Variants in THSD7A observed in about 807,000 individuals in gnomAD.
The protein encoded by THSD7A is thrombospondin type-1 domain-containing protein 7A.
A neutral mutation model predicts 231.3 loss-of-function variants in THSD7A; 96 were observed. The ratio of observed to expected loss-of-function variants is 0.41; its 90% CI spans 0.35 to 0.49. THSD7A has a LOEUF of 0.49. Among genes scored for constraint, THSD7A ranks in the 20% least tolerant of loss-of-function variants. THSD7A has a pLI of 0.05. For missense variants in THSD7A, 2,290 were observed against 2,070.2 expected (o/e 1.11, Z -2.06); for synonymous variants, 940 against 743.3 (o/e 1.26, Z -4.30).
At chr7:11,795,502 G>A (rs927411087) in intron 1 of THSD7A, among the ~76,000 whole-genome samples, 3 of 151,758 alleles carry the variant, frequency 2.0e-5, no homozygotes, top group Admixed American at 6.6e-5. Flanking sequence ...ATGACATGAC[G>A]AAAACAAACT....
At chr7:11,395,554 A>T in intron 23 of THSD7A, among the ~76,000 whole-genome samples, 1 of 150,382 alleles carries the variant, frequency 6.6e-6, no homozygotes, top group Admixed American at 6.6e-5. Flanking sequence ...TTGAGACAGA[A>T]TCTTGCTCTG....
chr7:11,793,547 TG>T (rs1784025997), intron 1 of THSD7A, among the ~76,000 whole-genome samples: 1 of 142,942 alleles, frequency 7.0e-6, no homozygotes, highest in Non-Finnish European at 1.5e-5. Context: ...TAGGTTAAAA[TG>T]AAAAAAGTCA....
Position 11,446,008 on chromosome 7 carries a change from T to G in THSD7A, c.3064+53A>C. 1 of 1,601,604 alleles carries G rather than the reference T, an allele frequency of 6.2e-7. No individual in the cohort carries two copies. The highest frequency in any genetic ancestry group is 8.5e-7 in the Non-Finnish European group (1 of 1,170,870). ...CATTCCACTATGATGCGTGTGCATT[T>G]TCCCTCCACACTCCCGAAGATAGCA... is the stretch of plus-strand genomic sequence containing the variant. On this transcript the variant is annotated intron_variant, in intron 13 of 27. Transcript: ENST00000423059. The surrounding 1 kb of genome is among the most constrained non-coding windows in gnomAD (Gnocchi z 4.0).
At chr7:11,565,764 A>G (rs1790286735) in intron 4 of THSD7A, among the ~76,000 whole-genome samples, 1 of 152,116 alleles carries the variant, frequency 6.6e-6, no homozygotes, top group Admixed American at 6.6e-5. Flanking sequence ...TTTTTAGTTG[A>G]TCAGAGTCCT....
At chr7:11,535,618 T>G (rs1485652944) in intron 6 of THSD7A, among the ~76,000 whole-genome samples, 5 of 151,002 alleles carry the variant, frequency 3.3e-5, no homozygotes. Flanking sequence ...TTAGAAGACA[T>G]AACATTCTAC....
chr7:11,544,946 C>T (rs1018126949), intron 4 of THSD7A, among the ~76,000 whole-genome samples: 13 of 151,848 alleles, frequency 8.6e-5, no homozygotes, highest in Admixed American at 3.3e-4. Context: ...CAACAGCAGC[C>T]GAAGCCAAAA....
intron 2 of THSD7A, among the ~76,000 whole-genome samples, chr7:11,618,896 T>C (rs1386328380): frequency 6.6e-6 from 1 of 152,160 alleles, no homozygotes; most frequent in African/African-American, 2.4e-5. Context: ...CATAATCACC[T>C]AAATGTTAAT....
At chr7:11,761,355 G>C (rs968986971) in intron 1 of THSD7A, among the ~76,000 whole-genome samples, 1 of 151,892 alleles carries the variant, frequency 6.6e-6, no homozygotes, top group Non-Finnish European at 1.5e-5. Flanking sequence ...CAAAATTCTG[G>C]TCAATATATA....
intron 2 of THSD7A, among the ~76,000 whole-genome samples, chr7:11,614,944 A>G (rs1781056414): frequency 6.6e-6 from 1 of 152,232 alleles, no homozygotes; most frequent in Non-Finnish European, 1.5e-5. Context: ...TATGTTGATG[A>G]TGTTATTGAT....
At chr7:11,605,078 G>A (rs1780689617) in intron 2 of THSD7A, among the ~76,000 whole-genome samples, 1 of 151,894 alleles carries the variant, frequency 6.6e-6, no homozygotes. Flanking sequence ...CTTCACTGTA[G>A]TGGCATAACC....
rs574537525 is a variant in THSD7A at position 11,782,743 on chromosome 7, A to AT, written c.190+49013dup. 3.0e-3 allele frequency among the ~76,000 whole-genome samples: 456 copies of AT among 152,260 alleles called. 6 individuals carry two copies. The highest frequency in any genetic ancestry group is 0.01 in the African/African-American group (436 of 41,556). ...TTAAAGATATTTTGCTGTGAAATGCATTTCACTGTGGCACCGTTGGCTATA... is the reference window on the plus strand; with the variant it reads ...TTAAAGATATTTTGCTGTGAAATGCATTTTCACTGTGGCACCGTTGGCTATA... On this transcript the variant is annotated intron_variant, in intron 1 of 27. Transcript: ENST00000423059.
intron 23 of THSD7A, among the ~76,000 whole-genome samples, chr7:11,399,853 C>T (rs747720824): frequency 6.6e-6 from 1 of 152,178 alleles, no homozygotes; most frequent in Non-Finnish European, 1.5e-5. Flanking sequence ...TATAAAGACA[C>T]ATGCACACAT....
chr7:11,727,545 C>T (rs907745059), intron 1 of THSD7A, among the ~76,000 whole-genome samples: 3 of 151,808 alleles, frequency 2.0e-5, no homozygotes, highest in Non-Finnish European at 2.9e-5. Context: ...TCATTTGGGG[C>T]CCAAAATGTT....
intron 1 of THSD7A, among the ~76,000 whole-genome samples, chr7:11,711,974 G>A (rs1433762528): frequency 6.6e-6 from 1 of 150,868 alleles, no homozygotes; most frequent in South Asian, 2.1e-4. Context: ...TCCTCTAGGT[G>A]GTACAGAACA....
chr7:11,552,191 G>A (rs1171459998), intron 4 of THSD7A, among the ~76,000 whole-genome samples: 1 of 151,850 alleles, frequency 6.6e-6, no homozygotes, highest in Non-Finnish European at 1.5e-5. Flanking sequence ...TGAGGATTGA[G>A]GATTGAAAAA....
At chr7:11,534,021 A>G (rs921035470) in intron 6 of THSD7A, among the ~76,000 whole-genome samples, 1 of 152,170 alleles carries the variant, frequency 6.6e-6, no homozygotes, top group Non-Finnish European at 1.5e-5. Flanking sequence ...TTAGTGGAAG[A>G]TACCTTGTTC....
At chr7:11,725,358 C>G (rs949469754) in intron 1 of THSD7A, among the ~76,000 whole-genome samples, 1 of 151,902 alleles carries the variant, frequency 6.6e-6, no homozygotes, top group African/African-American at 2.4e-5. Flanking sequence ...ATCACAGTTC[C>G]TATGGTGAAG....
In THSD7A at chr7:11,795,119, T is replaced by A. The variant is rs114235281; in HGVS notation, c.190+36638A>T. 8.2e-3 allele frequency among the ~76,000 whole-genome samples: 1,242 copies of A among 151,970 alleles called. 12 individuals carry two copies. The highest frequency in any genetic ancestry group is 0.028 in the African/African-American group (1,178 of 41,512). ...AACAGAACGTCACAGGGGTTTTTGTTTGTCTTTAACCGAGTTTTATAAAAG... is the reference window on the plus strand; with the variant it reads ...AACAGAACGTCACAGGGGTTTTTGTATGTCTTTAACCGAGTTTTATAAAAG... On this transcript the variant is annotated intron_variant, in intron 1 of 27. Transcript: ENST00000423059.
intron 1 of THSD7A, among the ~76,000 whole-genome samples, chr7:11,680,890 A>G (rs1257064368): frequency 6.6e-6 from 1 of 152,308 alleles, no homozygotes; most frequent in East Asian, 1.9e-4. Flanking sequence ...TACTGTAAAG[A>G]CACATGCACA....
Sources: allele counts gnomAD v4.1 joint callset (sites outside exome capture counted in the v4.1 genomes callset), GRCh38; gene constraint gnomAD v4.1.1; non-coding constraint Gnocchi (gnomAD v3.1); transcripts MANE v1.5; gene names NCBI Gene and HGNC (gene_info 2026-07-23, HGNC 2026-07-21).